LDLRAD1: variants seen among roughly 807,000 people sequenced by gnomAD.
LDLRAD1 encodes the protein low-density lipoprotein receptor class A domain-containing protein 1.
LDLRAD1 carries 17 observed loss-of-function variants against 24.8 expected under a neutral mutation model. That is an observed-to-expected ratio of 0.69 (90% CI 0.47 to 1.03). LDLRAD1 has a LOEUF of 1.03. Ranked by LOEUF, LDLRAD1 falls within the 50% of genes least tolerant of loss-of-function variation. The probability of loss-of-function intolerance (pLI) is 0.00; values close to 1 mark genes in which losing one functional copy is unlikely to be tolerated. For missense variants in LDLRAD1, 277 were observed against 271.0 expected (o/e 1.02, Z -0.16); for synonymous variants, 103 against 108.2 (o/e 0.95, Z 0.30).
At position 54,008,539 on chromosome 1, in the gene LDLRAD1, G is replaced by C. The variant is rs1655906581; in HGVS notation, c.*443C>G. On this transcript the variant is annotated 3_prime_UTR_variant, in exon 6 of 6. Transcript: ENST00000371360. Reference sequence around the variant, plus strand: ...AAGCAGATTCCCTTCGTCTTTGTTTGTGTTTGTGTTTTGTTTCATTTTTTT... The same window carrying C: ...AAGCAGATTCCCTTCGTCTTTGTTTCTGTTTGTGTTTTGTTTCATTTTTTT... 1 of 156,314 alleles carries C rather than the reference G, an allele frequency of 6.4e-6. No homozygotes were observed. Among genetic ancestry groups the C allele is most frequent in the African/African-American group, 2.4e-5 (1 of 41,446 alleles). The allele number at this position is 156,314 out of a possible 1,614,324, so 9.7% of individuals were successfully genotyped here.
intron 4 of LDLRAD1, among the ~76,000 whole-genome samples, chr1:54,010,624 C>G (rs1445325561): frequency 6.6e-6 from 1 of 151,994 alleles, no homozygotes; most frequent in Admixed American, 6.6e-5. Context: ...GAGATCTGCC[C>G]CTCCCTTCCT....
Position 54,018,118 on chromosome 1 carries a change from C to A in LDLRAD1, c.-6G>T, listed in dbSNP as rs373433016. ...TGGGGGAAGACCTTGTTCATGTCTT[C>A]GGTTTCCTGCTGCCCGACTGGGGCT... is the stretch of plus-strand genomic sequence containing the variant. On this transcript the variant is annotated 5_prime_UTR_variant, in exon 1 of 6. Transcript: ENST00000371360. The A allele has an allele frequency of 2.8e-5, 45 of 1,613,560 alleles. No individual in the cohort carries two copies. The African/African-American group carries it at 4.7e-4, about 17-fold the overall frequency.
At chr1:54,013,426 AC>A in intron 3 of LDLRAD1, among the ~76,000 whole-genome samples, 1 of 95,070 alleles carries the variant, frequency 1.1e-5, no homozygotes, top group South Asian at 3.0e-4. Flanking sequence ...TCCTTCAGAA[AC>A]ATCAGCCTGC....
intron 1 of LDLRAD1, among the ~76,000 whole-genome samples, 188 bp from the exon 2 acceptor site, chr1:54,017,615 C>A (rs1040710412): frequency 1.3e-5 from 2 of 152,196 alleles, no homozygotes; most frequent in African/African-American, 4.8e-5. Context: ...TTTGCCTGCA[C>A]TGTGCCCTCT....
Position 54,008,767 on chromosome 1 carries a change from A to G in LDLRAD1, c.*215T>C. The G allele has an allele frequency of 6.1e-6, 3 of 489,938 alleles. No individual in the cohort carries two copies. In the South Asian group the frequency reaches 9.1e-5, roughly 15 times the overall value. 30.3% of individuals were successfully genotyped at this position (489,938 alleles called of 1,614,324 possible). On this transcript the variant is annotated 3_prime_UTR_variant, in exon 6 of 6. Transcript: ENST00000371360. ...GTTCCACCACATCATCTTTGTTAGA[A>G]GCCACCTAACATGGTAATGAGCTCC...
intron 2 of LDLRAD1, 46 bp from the exon 3 acceptor site, chr1:54,014,410 C>A (rs1296654616): frequency 1.3e-6 from 2 of 1,519,830 alleles, no homozygotes; most frequent in South Asian, 2.4e-5. Flanking sequence ...GATAGGGGGC[C>A]AGCGCTAGGA....
intron 1 of LDLRAD1, 53 bp downstream of exon 1, chr1:54,018,039 A>G (rs1656386918): frequency 6.8e-7 from 1 of 1,476,762 alleles, no homozygotes; most frequent in Non-Finnish European, 9.5e-7. Context: ...GACAGCTCTC[A>G]CTTGGGGACA....
chr1:54,009,430 C>T (rs549488285), intron 5 of LDLRAD1, among the ~76,000 whole-genome samples: 2 of 152,198 alleles, frequency 1.3e-5, no homozygotes, highest in Admixed American at 6.5e-5. Context: ...TGAATGGGTG[C>T]CCTTCCTTAC....
chr1:54,010,688 G>A (rs1656014925), intron 4 of LDLRAD1, among the ~76,000 whole-genome samples: 1 of 151,996 alleles, frequency 6.6e-6, no homozygotes, highest in Non-Finnish European at 1.5e-5. Context: ...CTGACACTAT[G>A]CCCCCCTCCA....
In LDLRAD1 at chr1:54,008,958, T is replaced by C; in HGVS notation, c.*24A>G. Reference sequence around the variant, plus strand: ...TTATCAGTGCCATTCCAGCCAGCCTTCCATGCTGGCCTGAGTGGCCCACTC... The same window carrying C: ...TTATCAGTGCCATTCCAGCCAGCCTCCCATGCTGGCCTGAGTGGCCCACTC... On this transcript the variant is annotated 3_prime_UTR_variant, in exon 6 of 6. Transcript: ENST00000371360. The C allele has an allele frequency of 6.3e-7, 1 of 1,594,304 alleles. No homozygotes were observed.
chr1:54,017,228 C>A, intron 2 of LDLRAD1, 148 bp downstream of exon 2: 1 of 643,030 alleles, frequency 1.6e-6, no homozygotes, highest in Non-Finnish European at 2.7e-6. Flanking sequence ...GCATGGCTGG[C>A]CAGGAAGCTG....
chr1:54,014,333 G>GCGA lies in LDLRAD1; in HGVS notation c.102_104dup (p.Arg35dup). 1 of 1,548,732 alleles carries GCGA rather than the reference G, an allele frequency of 6.5e-7. No homozygotes were observed. The highest frequency in any genetic ancestry group is 8.7e-7 in the Non-Finnish European group (1 of 1,146,348). Reference sequence around the variant, plus strand: ...GCAGAGAGGCAGAGAGGCAGGCCCCGCGACGTGAGCAGCAGAGGTGGCCGC... The same window carrying GCGA: ...GCAGAGAGGCAGAGAGGCAGGCCCCGCGACGACGTGAGCAGCAGAGGTGGCCGC... On this transcript the variant is annotated inframe_insertion, in exon 3 of 6. Transcript: ENST00000371360.
At chr1:54,015,515 C>T (rs114290567) in intron 2 of LDLRAD1, among the ~76,000 whole-genome samples, 1,872 of 152,210 alleles carry the variant, frequency 0.012, 37 homozygotes, top group African/African-American at 0.04. Context: ...CATGGACATG[C>T]CTGAAGGGGT....
At chr1:54,010,477 AGGAG>A (rs754746103) in intron 4 of LDLRAD1, 67 bp from the exon 5 acceptor site, 2 of 1,568,446 alleles carry the variant, frequency 1.3e-6, no homozygotes, top group Non-Finnish European at 1.7e-6. Context: ...GGTTATCGGG[AGGAG>A]GATTGACCAC....
intron 3 of LDLRAD1, among the ~76,000 whole-genome samples, chr1:54,013,940 G>T (rs936079609): frequency 2.0e-5 from 3 of 152,046 alleles, no homozygotes; most frequent in African/African-American, 7.3e-5. Context: ...TGTAGGGACT[G>T]GGGGGCTGAG....
intron 2 of LDLRAD1, among the ~76,000 whole-genome samples, chr1:54,016,676 A>G (rs2100266799): frequency 6.6e-6 from 1 of 152,322 alleles, no homozygotes; most frequent in Middle Eastern, 3.4e-3. Flanking sequence ...CTGGCCCTCC[A>G]ACCTCCCTGC....
chr1:54,009,739 C>T (rs1016566944), intron 5 of LDLRAD1, among the ~76,000 whole-genome samples: 2 of 152,118 alleles, frequency 1.3e-5, no homozygotes, highest in African/African-American at 2.4e-5. Context: ...CCCACCAATG[C>T]TCAGAACATG....
In LDLRAD1 at chr1:54,017,446, T is replaced by A. The variant is rs1656356098; in HGVS notation, c.22-19A>T. 6.3e-7 allele frequency: 1 copy of A among 1,591,810 alleles called. No individual in the cohort carries two copies. Among genetic ancestry groups the A allele is most frequent in the African/African-American group, 1.3e-5 (1 of 74,432 alleles). On this transcript the variant is annotated intron_variant, in intron 1 of 5. Transcript: ENST00000371360. ...TCTCTCCCTGCCCAAGAGAACAGAG[T>A]GAGGGGTGGGCTTAGGTGAGGTGAG...
At chr1:54,016,476 G>A (rs962264485) in intron 2 of LDLRAD1, among the ~76,000 whole-genome samples, 1 of 152,312 alleles carries the variant, frequency 6.6e-6, no homozygotes, top group African/African-American at 2.4e-5. Context: ...CCCAGGTGAA[G>A]CTGTTGCACT....
Sources: allele counts gnomAD v4.1 joint callset (sites outside exome capture counted in the v4.1 genomes callset), GRCh38; gene constraint gnomAD v4.1.1; transcripts MANE v1.5; gene names NCBI Gene and HGNC (gene_info 2026-07-23, HGNC 2026-07-21).